SGSM3: variants seen among roughly 807,000 people sequenced by gnomAD.
The protein encoded by SGSM3 is small G protein signaling modulator 3, also known as RUN and SH3 containing 3.
SGSM3 carries 96 observed loss-of-function variants against 100.5 expected under a neutral mutation model. That is an observed-to-expected ratio of 0.96 (90% confidence interval 0.81 to 1.13). The LOEUF is 1.13. Among genes scored for constraint, SGSM3 ranks in the 50% most tolerant of loss-of-function variants. The probability of loss-of-function intolerance (pLI) is 0.00; values close to 1 mark genes in which losing one functional copy is unlikely to be tolerated. For synonymous variants in SGSM3, 483 were observed against 422.8 expected, an observed-to-expected ratio of 1.14 and a Z score of -1.75; for missense variants, 1,001 against 1,015.8, an observed-to-expected ratio of 0.99 and a Z score of 0.20.
intron 1 of SGSM3, among the ~76,000 whole-genome samples, chr22:40,370,994 G>T (rs1194995540): frequency 1.3e-5 from 2 of 152,254 alleles, no homozygotes; most frequent in African/African-American, 2.4e-5. Context: ...CGCGCTGGCA[G>T]CCGGGAGCGG....
intron 15 of SGSM3, 52 bp from the exon 16 acceptor site, chr22:40,408,225 G>C: frequency 6.2e-7 from 1 of 1,608,664 alleles, no homozygotes; most frequent in Non-Finnish European, 8.5e-7. Context: ...AGAGGAGGGT[G>C]ACTGGCTGCA....
chr22:40,405,893 C>G, intron 8 of SGSM3, 49 bp downstream of exon 8: 1 of 1,566,134 alleles, frequency 6.4e-7, no homozygotes. Flanking sequence ...TTGGAGGACT[C>G]AGGCGGGTGG....
intron 8 of SGSM3, 52 bp downstream of exon 8, chr22:40,405,896 G>A: frequency 6.4e-7 from 1 of 1,558,260 alleles, no homozygotes; most frequent in Non-Finnish European, 8.7e-7. Context: ...GAGGACTCAG[G>A]CGGGTGGCCG....
chr22:40,409,517 A>G lies in SGSM3; in HGVS notation c.2164A>G (p.Lys722Glu), dbSNP rs761537143. The change falls in exon 21 of 22, where the codon AAG becomes GAG. Residue 722 changes from lysine to glutamate, a missense_variant. Coordinates refer to ENST00000248929, the MANE Select transcript of SGSM3 (RefSeq NM_015705.6). ...CTCCCAGGACTGGGAGCTCCCTGCGAAGAGAGAGGTGGGTGGTGTGGGCCT... is the reference window on the plus strand; with the variant it reads ...CTCCCAGGACTGGGAGCTCCCTGCGGAGAGAGAGGTGGGTGGTGTGGGCCT... Reference protein sequence around the residue: ...SLSQDWELPAKREAQQPLKEG... With the variant: ...SLSQDWELPAEREAQQPLKEG... 6.1e-5 allele frequency: 97 copies of G among 1,598,482 alleles called. No individual in the cohort carries two copies. Among genetic ancestry groups the G allele is most frequent in the Non-Finnish European group, 7.8e-5 (91 of 1,172,702 alleles).
chr22:40,408,825 GA>G lies in SGSM3; in HGVS notation c.1886del (p.Glu629GlyfsTer11). 1 of 1,613,810 alleles carries G rather than the reference GA, an allele frequency of 6.2e-7. No homozygotes were observed. The highest frequency in any genetic ancestry group is 8.5e-7 in the Non-Finnish European group (1 of 1,180,010). On this transcript the variant is annotated frameshift_variant, in exon 18 of 22. Coordinates refer to ENST00000248929, the MANE Select transcript of SGSM3 (RefSeq NM_015705.6). LOFTEE classifies it high-confidence loss of function. ...LDEDGKVLTP[E>X]ELLYRAVQSV... is the part of the protein sequence containing the mutation. ...TGAAGATGGCAAAGTCCTGACCCCG[GA>G]GGAGCTGCTCTACCGGGTAAGGGGG...
rs1010617444 is a variant in SGSM3 at position 40,407,335 on chromosome 22, C to T, written c.1368+7C>T. 1.1e-5 allele frequency: 17 copies of T among 1,613,252 alleles called. No homozygotes were observed. In the African/African-American group the frequency reaches 1.5e-4, roughly 14 times the overall value. On this transcript the variant is annotated splice_region_variant and intron_variant, in intron 12 of 21. Coordinates refer to ENST00000248929, the MANE Select transcript of SGSM3 (RefSeq NM_015705.6). The surrounding 1 kb of genome is among the most constrained non-coding windows in gnomAD (Gnocchi z 4.7). ...CCCCAAAAACTGCAGCGTGGTGAGT[C>T]GCCAGCTCCCTGGGCTGCTACCAAA...
Position 40,406,584 on chromosome 22 carries a change from G to A in SGSM3, c.1107G>A (p.Gln369=). ...TCACCGATGTGGCCGTGGAGACTCA[G>A]CGCCGCAAGCACCTGGCCTATCTCA... ...GSLTDVAVET[Q]RRKHLAYLIA... Residue 369 remains glutamine, a synonymous_variant, in exon 10 of 22, where the codon CAG becomes CAA. Coordinates refer to ENST00000248929, the MANE Select transcript of SGSM3 (RefSeq NM_015705.6). 6.2e-7 allele frequency: 1 copy of A among 1,612,880 alleles called. No individual in the cohort carries two copies. The highest frequency in any genetic ancestry group is 1.1e-5 in the South Asian group (1 of 91,022).
chr22:40,389,133 C>T (rs28561602), intron 1 of SGSM3, among the ~76,000 whole-genome samples: 5,172 of 152,150 alleles, frequency 0.034, 134 homozygotes, highest in Middle Eastern at 0.058. Flanking sequence ...AACATTAAGG[C>T]ATCTGAAGAA....
chr22:40,395,037 C>T (rs1017085635), intron 1 of SGSM3, among the ~76,000 whole-genome samples: 1 of 152,210 alleles, frequency 6.6e-6, no homozygotes, highest in Non-Finnish European at 1.5e-5. Context: ...CACTTAACCT[C>T]ATAAGTAGTA....
In SGSM3 at chr22:40,406,172, C is replaced by G. The variant is rs150175947; in HGVS notation, c.909C>G (p.Tyr303Ter). The part of the protein sequence containing the change: ...LLLRIWDLFF[Y>*]EGSRVLFQLT... ...TGCGCATCTGGGACCTGTTTTTCTA[C>G]GAGGGCTCCCGGGTGCTGTTCCAGC... is the stretch of plus-strand genomic sequence containing the variant. Residue 303 changes from tyrosine to a stop codon, truncating the protein, a stop_gained, in exon 9 of 22, where the codon TAC becomes TAG. Transcript: ENST00000248929. LOFTEE classifies it high-confidence loss of function. 1.2e-6 allele frequency: 2 copies of G among 1,614,132 alleles called. No individual in the cohort carries two copies. The highest frequency in any genetic ancestry group is 1.7e-5 in the Admixed American group (1 of 60,032).
At chr22:40,395,921 G>A (rs548846082) in intron 1 of SGSM3, among the ~76,000 whole-genome samples, 2 of 152,196 alleles carry the variant, frequency 1.3e-5, no homozygotes, top group South Asian at 4.2e-4. Flanking sequence ...ATCCACTCTT[G>A]TCTCTCTACA....
intron 1 of SGSM3, among the ~76,000 whole-genome samples, chr22:40,393,870 T>G (rs1235813928): frequency 6.6e-6 from 1 of 152,140 alleles, no homozygotes; most frequent in Non-Finnish European, 1.5e-5. Context: ...CTCTTAAAGG[T>G]TCCAGCTCTT....
chr22:40,390,008 G>A (rs912439078), intron 1 of SGSM3, among the ~76,000 whole-genome samples: 4 of 151,702 alleles, frequency 2.6e-5, no homozygotes, highest in African/African-American at 9.7e-5. Flanking sequence ...CACACACTGA[G>A]GACACTAATA....
At chr22:40,390,154 TG>T (rs908925593) in intron 1 of SGSM3, 6 of 152,192 alleles carry the variant, frequency 3.9e-5, no homozygotes, top group Non-Finnish European at 8.8e-5. Flanking sequence ...GAATTAAATG[TG>T]GGGCACCCTA....
chr22:40,383,118 C>T (rs545791120), intron 1 of SGSM3, among the ~76,000 whole-genome samples: 1 of 152,150 alleles, frequency 6.6e-6, no homozygotes, highest in Non-Finnish European at 1.5e-5. Flanking sequence ...GGATTCAGCC[C>T]TTGAAGAGCT....
At chr22:40,389,797 G>T (rs1325551363) in intron 1 of SGSM3, among the ~76,000 whole-genome samples, 1 of 148,208 alleles carries the variant, frequency 6.7e-6, no homozygotes, top group Non-Finnish European at 1.5e-5. Context: ...CCAGCTACTC[G>T]GGAGGCTGAG....
chr22:40,407,987 C>G lies in SGSM3; in HGVS notation c.1580-84C>G, dbSNP rs2051870550. 1 of 1,504,592 alleles carries G rather than the reference C, an allele frequency of 6.6e-7. No homozygotes were observed. Among genetic ancestry groups the G allele is most frequent in the South Asian group, 1.2e-5 (1 of 83,188 alleles). 93.2% of individuals were successfully genotyped at this position (1,504,592 alleles called of 1,614,324 possible). ...CCCTGAAGCAGCTGAGCCGGCTTCC[C>G]ACTGCCTCAGCCTGCCTGCAGGCTG... On this transcript the variant is annotated intron_variant, in intron 14 of 21. Coordinates refer to ENST00000248929, the MANE Select transcript of SGSM3 (RefSeq NM_015705.6). This position sits in a 1 kb window ranked among gnomAD's most constrained non-coding sequence, Gnocchi z 4.7.
intron 5 of SGSM3, 50 bp from the exon 6 acceptor site, chr22:40,404,507 A>G: frequency 6.2e-7 from 1 of 1,610,448 alleles, no homozygotes; most frequent in South Asian, 1.1e-5. Context: ...TGGCCCCATG[A>G]TCAGGTGTCA....
At chr22:40,399,974 C>G (rs778729840) in intron 1 of SGSM3, among the ~76,000 whole-genome samples, 1 of 152,218 alleles carries the variant, frequency 6.6e-6, no homozygotes, top group Non-Finnish European at 1.5e-5. Flanking sequence ...TATTTTTGCC[C>G]CCACACTTGT....
Sources: allele counts gnomAD v4.1 joint callset (sites outside exome capture counted in the v4.1 genomes callset), GRCh38; gene constraint gnomAD v4.1.1; non-coding constraint Gnocchi (gnomAD v3.1); transcripts MANE v1.5; gene names NCBI Gene and HGNC (gene_info 2026-07-23, HGNC 2026-07-21).